SH3RF3: variants seen among roughly 807,000 people sequenced by gnomAD.
SH3RF3 encodes SH3 domain containing ring finger 3.
SH3RF3 carries 29 observed loss-of-function variants against 66.3 expected under a neutral mutation model. The observed-to-expected ratio is 0.44, with a 90% CI of 0.33 to 0.60. SH3RF3 has a LOEUF of 0.60. SH3RF3 is among the 20% of genes least tolerant of loss of function. The pLI is 0.04. For missense variants in SH3RF3, 1,194 were observed against 1,190.9 expected, an observed-to-expected ratio of 1.00 and a Z score of -0.04; for synonymous variants, 583 against 532.0, an observed-to-expected ratio of 1.10 and a Z score of -1.32.
chr2:109,431,275 A>G (rs1677206198), intron 5 of SH3RF3, among the ~76,000 whole-genome samples: 1 of 152,192 alleles, frequency 6.6e-6, no homozygotes, highest in African/African-American at 2.4e-5. Flanking sequence ...TGTGAGGTCC[A>G]CCAGATCACT....
intron 3 of SH3RF3, among the ~76,000 whole-genome samples, chr2:109,373,894 A>G (rs1461382336): frequency 6.6e-6 from 1 of 152,152 alleles, no homozygotes; most frequent in East Asian, 1.9e-4. Flanking sequence ...AGAAGCTGTC[A>G]GGCACCATTG....
chr2:109,224,492 T>C (rs898702901), intron 1 of SH3RF3, among the ~76,000 whole-genome samples: 2 of 152,168 alleles, frequency 1.3e-5, no homozygotes, highest in African/African-American at 4.8e-5. Flanking sequence ...CTCTGTTCAG[T>C]ACAGTAGCGA....
intron 1 of SH3RF3, among the ~76,000 whole-genome samples, chr2:109,242,031 C>A (rs536863661): frequency 6.6e-6 from 1 of 152,112 alleles, no homozygotes; most frequent in East Asian, 1.9e-4. Flanking sequence ...CTTTCCCAGT[C>A]CTTCGTCCTG....
chr2:109,481,698 C>T (rs952511784), intron 8 of SH3RF3, among the ~76,000 whole-genome samples: 1 of 152,204 alleles, frequency 6.6e-6, no homozygotes, highest in Non-Finnish European at 1.5e-5. Context: ...ACCTCCAAAA[C>T]AGTTGCCACT....
rs146135940 is a variant in SH3RF3 at position 109,331,412 on chromosome 2, G to A, written c.574-16262G>A. On this transcript the variant is annotated intron_variant, in intron 1 of 9. Coordinates refer to ENST00000309415, the MANE Select transcript of SH3RF3 (RefSeq NM_001099289.3). ...TTGCATCATGAACTGATTGGAGTGT[G>A]AGAACTGGGGCCTTAACCAGGTTTG... 1.2e-4 allele frequency among the ~76,000 whole-genome samples: 18 copies of A among 152,188 alleles called. No homozygotes were observed. The East Asian group carries it at 3.5e-3, about 30-fold the overall frequency.
chr2:109,349,003 C>T (rs1682782557), intron 2 of SH3RF3, among the ~76,000 whole-genome samples: 1 of 152,176 alleles, frequency 6.6e-6, no homozygotes, highest in South Asian at 2.1e-4. Context: ...TTGCCTGTGT[C>T]TCTCTGTGTC....
At chr2:109,386,785 G>T (rs987902438) in intron 3 of SH3RF3, among the ~76,000 whole-genome samples, 1 of 152,140 alleles carries the variant, frequency 6.6e-6, no homozygotes, top group Non-Finnish European at 1.5e-5. Flanking sequence ...GCTAGACCTT[G>T]CCTGAAACAT....
At chr2:109,344,569 G>A (rs930298431) in intron 1 of SH3RF3, among the ~76,000 whole-genome samples, 1 of 152,154 alleles carries the variant, frequency 6.6e-6, no homozygotes, top group Non-Finnish European at 1.5e-5. Context: ...CATGAGCTTG[G>A]CCCTGCATTT....
intron 1 of SH3RF3, among the ~76,000 whole-genome samples, chr2:109,163,390 C>CTTTTTTTT (rs70956302): frequency 8.5e-5 from 6 of 70,268 alleles, no homozygotes; most frequent in Admixed American, 2.3e-4. Flanking sequence ...AGCAAATATT[C>CTTTTTTTT]TTTTTTTTTT....
At chr2:109,193,297 CAG>C (rs1366695964) in intron 1 of SH3RF3, among the ~76,000 whole-genome samples, 14 of 152,278 alleles carry the variant, frequency 9.2e-5, no homozygotes, top group African/African-American at 3.4e-4. Flanking sequence ...TTTATTGAGA[CAG>C]AATTCACATA....
At chr2:109,464,503 AATAC>A (rs1193473549) in intron 8 of SH3RF3, among the ~76,000 whole-genome samples, 6 of 152,138 alleles carry the variant, frequency 3.9e-5, no homozygotes, top group African/African-American at 1.2e-4. Context: ...TGCATACACA[AATAC>A]ATACATGCAT....
intron 5 of SH3RF3, among the ~76,000 whole-genome samples, chr2:109,421,724 C>T (rs1287644385): frequency 3.3e-5 from 5 of 152,048 alleles, no homozygotes; most frequent in South Asian, 4.1e-4. Flanking sequence ...ACTTATGTGT[C>T]GGACAACATC....
chr2:109,130,556 C>T (rs962711448), intron 1 of SH3RF3, among the ~76,000 whole-genome samples: 1 of 152,102 alleles, frequency 6.6e-6, no homozygotes, highest in African/African-American at 2.4e-5. Context: ...CCGCGGGCCT[C>T]CTGCCTGCGG....
intron 1 of SH3RF3, among the ~76,000 whole-genome samples, chr2:109,232,103 G>A (rs924512941): frequency 2.6e-5 from 4 of 152,210 alleles, no homozygotes; most frequent in African/African-American, 7.2e-5. Flanking sequence ...GTATTTATGT[G>A]TAAGTGTCTG....
chr2:109,229,648 G>T (rs1206088315), intron 1 of SH3RF3, among the ~76,000 whole-genome samples: 3 of 152,124 alleles, frequency 2.0e-5, no homozygotes, highest in African/African-American at 7.2e-5. Context: ...GGGTCAGGAA[G>T]GCCCCAGATG....
chr2:109,257,118 C>T (rs556096191), intron 1 of SH3RF3, among the ~76,000 whole-genome samples: 2 of 152,288 alleles, frequency 1.3e-5, no homozygotes, highest in East Asian at 3.9e-4. Context: ...GCCACTGAAT[C>T]CCTCATGTCC....
In SH3RF3 at chr2:109,432,431, C is replaced by A. The variant is rs77578906; in HGVS notation, c.1404-70C>A. 8.1e-5 allele frequency: 128 copies of A among 1,575,974 alleles called. 1 individual carries two copies. In the African/African-American group the frequency reaches 1.4e-3, roughly 18 times the overall value. On this transcript the variant is annotated intron_variant, in intron 5 of 9. Transcript: ENST00000309415. ...GGTTCCTCCAAAGACAACCTCCCCCCAGGAATGCCGGCCGGTCCCCTATCC... is the reference window on the plus strand; with the variant it reads ...GGTTCCTCCAAAGACAACCTCCCCCAAGGAATGCCGGCCGGTCCCCTATCC...
chr2:109,445,382 GAACTTA>G (rs72446982), intron 7 of SH3RF3, among the ~76,000 whole-genome samples: 81 of 152,258 alleles, frequency 5.3e-4, no homozygotes, highest in East Asian at 7.7e-4. Context: ...TAAACATGCT[GAACTTA>G]AACTTAAAGC....
At chr2:109,429,377 C>A (rs1415368554) in intron 5 of SH3RF3, among the ~76,000 whole-genome samples, 1 of 151,972 alleles carries the variant, frequency 6.6e-6, no homozygotes, top group African/African-American at 2.4e-5. Context: ...CATTCCAGTT[C>A]CCCCAGCAAC....
Sources: allele counts gnomAD v4.1 joint callset (sites outside exome capture counted in the v4.1 genomes callset), GRCh38; gene constraint gnomAD v4.1.1; transcripts MANE v1.5; gene names NCBI Gene and HGNC (gene_info 2026-07-23, HGNC 2026-07-21).